The following ARHGAP23 variants were observed in gnomAD, a reference collection of about 807,000 sequenced individuals.
The protein encoded by ARHGAP23 is Rho GTPase activating protein 23.
Under a neutral mutation model 136.3 loss-of-function variants are expected in ARHGAP23, and 34 were observed. That is an observed-to-expected ratio of 0.25 (90% CI 0.19 to 0.33). The LOEUF (loss-of-function observed/expected upper bound fraction) is 0.33. Ranked by LOEUF, ARHGAP23 falls within the 10% of genes least tolerant of loss-of-function variation. ARHGAP23 has a pLI of 1.00. For synonymous variants in ARHGAP23, 832 were observed against 920.5 expected (o/e 0.90, Z 1.74); for missense variants, 1,808 against 2,139.0 (o/e 0.85, Z 3.05).
chr17:38,437,077 A>G (rs1454537883), intron 1 of ARHGAP23, among the ~76,000 whole-genome samples: 1 of 152,176 alleles, frequency 6.6e-6, no homozygotes, highest in East Asian at 1.9e-4. Context: ...AACGACTGAG[A>G]CCTGGAGTGG....
upstream of ARHGAP23, chr17:38,428,448 C>T (rs1242266882): frequency 2.2e-6 from 3 of 1,364,192 alleles, no homozygotes; most frequent in African/African-American, 1.5e-5. Flanking sequence ...CCGGCGCCCC[C>T]AGCCGTGCCC....
rs1206305439 is a variant in ARHGAP23 at position 38,469,549 on chromosome 17, C to T, written c.1830C>T (p.Ser610=). The T allele has an allele frequency of 1.3e-6, 2 of 1,548,496 alleles. No homozygotes were observed. Among genetic ancestry groups the T allele is most frequent in the Non-Finnish European group, 1.7e-6 (2 of 1,146,732 alleles). Residue 610 remains serine, a synonymous_variant, in exon 9 of 24, where the codon TCC becomes TCT. Coordinates refer to ENST00000622683, the MANE Select transcript of ARHGAP23 (RefSeq NM_001199417.2). ...GCAGCATCAAGGCTGGCCGCCGCTC[C>T]TCCTACCTGCTGGCCATCACCACGG... is the stretch of plus-strand genomic sequence containing the variant. ...DCSSIKAGRR[S]SYLLAITTER... is the part of the protein sequence containing the mutation.
intron 22 of ARHGAP23, among the ~76,000 whole-genome samples, chr17:38,499,585 C>G (rs1011283292): frequency 1.3e-5 from 2 of 152,150 alleles, no homozygotes; most frequent in African/African-American, 4.8e-5. Flanking sequence ...TCCCTAGTCA[C>G]CAGAGGCAGG....
rs113561558 is a variant in ARHGAP23 at position 38,432,851 on chromosome 17, A to T, written c.63+4303A>T. On this transcript the variant is annotated intron_variant, in intron 1 of 23. Coordinates refer to ENST00000622683, the MANE Select transcript of ARHGAP23 (RefSeq NM_001199417.2). ...CTCAAAAAACCAAACCAAACGAAAC[A>T]AAAAAGCTCTGCCTGCCTTCAGCCT... Among the ~76,000 whole-genome samples, 1,207 of 152,248 alleles carry T rather than the reference A, an allele frequency of 7.9e-3. 12 individuals are homozygous for T. Among genetic ancestry groups the T allele is most frequent in the African/African-American group, 0.027 (1,117 of 41,526 alleles).
chr17:38,427,325 G>A (rs2038584639), upstream of ARHGAP23, among the ~76,000 whole-genome samples: 2 of 152,124 alleles, frequency 1.3e-5, no homozygotes, highest in African/African-American at 2.4e-5. Context: ...TTAGGTGGGC[G>A]GTGTGGCATG....
intron 17 of ARHGAP23, chr17:38,489,720 C>T (rs923993134): frequency 4.6e-6 from 1 of 218,332 alleles, no homozygotes; most frequent in African/African-American, 2.3e-5. Context: ...TGGGGTAATC[C>T]TTGGTGGAGG....
At chr17:38,422,169 C>A (rs1442579180) in intron 1 of ARHGAP23, among the ~76,000 whole-genome samples, 2 of 152,208 alleles carry the variant, frequency 1.3e-5, no homozygotes, top group Admixed American at 6.5e-5. Flanking sequence ...AATCCTGAAT[C>A]CTAGCTGGGA....
At chr17:38,492,126 C>A (rs1353558778) in intron 20 of ARHGAP23, among the ~76,000 whole-genome samples, 2 of 152,176 alleles carry the variant, frequency 1.3e-5, no homozygotes, top group Admixed American at 1.3e-4. Flanking sequence ...ATGCCAACAG[C>A]CCTGGTCCTG....
At chr17:38,465,363 T>C (rs6503638) in intron 6 of ARHGAP23, among the ~76,000 whole-genome samples, 121,439 of 152,122 alleles carry the variant, frequency 0.8, 48,894 homozygotes, top group East Asian at 0.97. Flanking sequence ...AGTGTCTCCT[T>C]GTAGTGTGGT....
rs991131519 is a variant in ARHGAP23 at position 38,511,806 on chromosome 17, T to G, written c.*834T>G. 2 of 152,228 alleles carry G rather than the reference T, an allele frequency of 1.3e-5. No homozygotes were observed. Among genetic ancestry groups the G allele is most frequent in the African/African-American group, 4.8e-5 (2 of 41,430 alleles). The allele number at this position is 152,228 out of a possible 1,614,324, so 9.4% of individuals were successfully genotyped here. Reference sequence around the variant, plus strand: ...TCACCCCTCTTTTTGTTTTTCCATCTGTGCCTGTTCCTTCCACAGCCCAGG... The same window carrying G: ...TCACCCCTCTTTTTGTTTTTCCATCGGTGCCTGTTCCTTCCACAGCCCAGG... On this transcript the variant is annotated 3_prime_UTR_variant, in exon 24 of 24. Transcript: ENST00000622683.
chr17:38,462,237 C>T (rs534349060), intron 3 of ARHGAP23, among the ~76,000 whole-genome samples: 4 of 141,112 alleles, frequency 2.8e-5, no homozygotes, highest in South Asian at 4.7e-4. Flanking sequence ...CGTGAACCAC[C>T]GCACCCGGCC....
chr17:38,503,696 C>A (rs542511287), intron 23 of ARHGAP23, among the ~76,000 whole-genome samples: 1 of 152,352 alleles, frequency 6.6e-6, no homozygotes, highest in East Asian at 1.9e-4. Flanking sequence ...CTAGCAGTTA[C>A]CGCTTCCCAG....
In ARHGAP23 at chr17:38,466,958, A is replaced by G; in HGVS notation, c.1275A>G (p.Ser425=). ...GYIGYRSYSP[S]FQRRTGLLHA... is the part of the protein sequence containing the mutation. ...TCGGCTACCGGAGCTACAGCCCATC[A>G]TTCCAGCGCCGGACCGGCCTCCTCC... The change falls in exon 7 of 24, where the codon TCA becomes TCG. Residue 425 remains serine (S), a synonymous_variant. Coordinates refer to ENST00000622683, the MANE Select transcript of ARHGAP23 (RefSeq NM_001199417.2). The G allele has an allele frequency of 6.4e-7, 1 of 1,550,506 alleles. No individual in the cohort carries two copies. Among genetic ancestry groups the G allele is most frequent in the Non-Finnish European group, 8.7e-7 (1 of 1,146,936 alleles).
At position 38,467,226 on chromosome 17, in the gene ARHGAP23, G is replaced by A. The variant is rs1370186249; in HGVS notation, c.1543G>A (p.Asp515Asn). The change falls in exon 7 of 24, where the codon GAC becomes AAC. Residue 515 changes from aspartate to asparagine, a missense_variant. Coordinates refer to ENST00000622683, the MANE Select transcript of ARHGAP23 (RefSeq NM_001199417.2). ...PARQMNLGFGDESPEPEASGR... is the reference protein window; with the variant it reads ...PARQMNLGFGNESPEPEASGR... Reference sequence around the variant, plus strand: ...AAGACAGATGAACCTTGGATTTGGTGACGAGTCCCCAGAGCCAGAGGCCAG... The same window carrying A: ...AAGACAGATGAACCTTGGATTTGGTAACGAGTCCCCAGAGCCAGAGGCCAG... The A allele has an allele frequency of 1.9e-6, 3 of 1,550,924 alleles. No homozygotes were observed. The East Asian group carries it at 7.3e-5, about 38-fold the overall frequency.
intron 6 of ARHGAP23, among the ~76,000 whole-genome samples, chr17:38,463,675 T>C (rs143750362): frequency 5.3e-5 from 8 of 152,134 alleles, no homozygotes; most frequent in Admixed American, 1.3e-4. Context: ...CTAGGAGAGA[T>C]GCCTCTTCCC....
intron 1 of ARHGAP23, among the ~76,000 whole-genome samples, chr17:38,419,580 TCACACACACA>T (rs60358190): frequency 4.0e-4 from 57 of 143,164 alleles, no homozygotes; most frequent in African/African-American, 1.3e-3. Context: ...GACACAGAGC[TCACACACACA>T]CACACACACA....
chr17:38,474,249 G>A (rs2039835989), intron 11 of ARHGAP23, among the ~76,000 whole-genome samples: 1 of 152,222 alleles, frequency 6.6e-6, no homozygotes, highest in Non-Finnish European at 1.5e-5. Context: ...GTGGGCTGGG[G>A]ATGGCAGGAG....
chr17:38,499,244 T>C (rs1157456867), intron 22 of ARHGAP23, among the ~76,000 whole-genome samples: 1 of 152,218 alleles, frequency 6.6e-6, no homozygotes, highest in African/African-American at 2.4e-5. Context: ...CGGCCTCTCT[T>C]TGCCGAGTCT....
intron 1 of ARHGAP23, among the ~76,000 whole-genome samples, chr17:38,419,595 C>CACAT (rs1399371089): frequency 1.3e-5 from 2 of 151,950 alleles, no homozygotes; most frequent in Non-Finnish European, 2.9e-5. Flanking sequence ...CACACACACA[C>CACAT]ACACACACAC....
Sources: gnomAD v4.1 joint callset for allele counts (sites outside exome capture counted in the v4.1 genomes callset) on GRCh38, gnomAD v4.1.1 for gene constraint, MANE v1.5 for transcripts, NCBI Gene and HGNC (gene_info 2026-07-23, HGNC 2026-07-21) for gene names.